The following PRICKLE1 variants were observed in gnomAD, a reference collection of about 807,000 sequenced individuals.
The protein encoded by PRICKLE1 is prickle planar cell polarity protein 1, also known as prickle-like protein 1.
Under a neutral mutation model 70.2 loss-of-function variants are expected in PRICKLE1, and 14 were observed. That is an observed-to-expected ratio of 0.20 (90% CI 0.13 to 0.31). PRICKLE1 has a LOEUF of 0.31. Among genes scored for constraint, PRICKLE1 ranks in the 10% least tolerant of loss-of-function variants. PRICKLE1 has a pLI of 1.00. For missense variants in PRICKLE1, 821 were observed against 1,026.2 expected, an observed-to-expected ratio of 0.80 and a Z score of 2.73; for synonymous variants, 357 against 379.9, an observed-to-expected ratio of 0.94 and a Z score of 0.70.
chr12:42,493,481 T>C (rs1939140307), intron 1 of PRICKLE1, among the ~76,000 whole-genome samples: 1 of 152,180 alleles, frequency 6.6e-6, no homozygotes, highest in African/African-American at 2.4e-5. Context: ...ACGAATTGAC[T>C]AACTTGAAAT....
intron 1 of PRICKLE1, among the ~76,000 whole-genome samples, chr12:42,509,430 C>T (rs1939473592): frequency 6.6e-6 from 1 of 152,170 alleles, no homozygotes; most frequent in African/African-American, 2.4e-5. Flanking sequence ...TTCCAAGGGT[C>T]TTTCCATATC....
chr12:42,476,304 TC>T (rs1938528390), intron 1 of PRICKLE1, among the ~76,000 whole-genome samples: 2 of 151,886 alleles, frequency 1.3e-5, no homozygotes. Flanking sequence ...TGCCTCAGTC[TC>T]CCAAGTAGCT....
intron 1 of PRICKLE1, among the ~76,000 whole-genome samples, chr12:42,526,779 G>C (rs1374600811): frequency 1.3e-5 from 2 of 151,542 alleles, no homozygotes; most frequent in Admixed American, 6.6e-5. Context: ...ATGCTTAGAG[G>C]AGTGCTGAAA....
chr12:42,570,057 C>G (rs1474068271), intron 1 of PRICKLE1, among the ~76,000 whole-genome samples: 2 of 152,212 alleles, frequency 1.3e-5, no homozygotes, highest in Non-Finnish European at 2.9e-5. Flanking sequence ...CAAGGCAAAG[C>G]CTTATAGGCT....
Position 42,466,240 on chromosome 12 carries a change from A to G in PRICKLE1, c.729T>C (p.Phe243=). 1 of 1,614,200 alleles carries G rather than the reference A, an allele frequency of 6.2e-7. No homozygotes were observed. Among genetic ancestry groups the G allele is most frequent in the Admixed American group, 1.7e-5 (1 of 60,016 alleles). Residue 243 remains phenylalanine, a synonymous_variant, in exon 6 of 8, where the codon TTT becomes TTC. Coordinates refer to ENST00000345127, the MANE Select transcript of PRICKLE1 (RefSeq NM_153026.3). The part of the protein sequence containing the change: ...KDGRPFCCGC[F]ESLYAEYCET... ...CACAGTACTCCGCATAGAGAGACTCAAAACAGCCACAGCAGAAGGGGCGGC... is the reference window on the plus strand; with the variant it reads ...CACAGTACTCCGCATAGAGAGACTCGAAACAGCCACAGCAGAAGGGGCGGC...
intron 1 of PRICKLE1, among the ~76,000 whole-genome samples, chr12:42,517,741 G>A (rs1042809906): frequency 7.9e-5 from 12 of 152,064 alleles, no homozygotes; most frequent in African/African-American, 2.9e-4. Flanking sequence ...AACCCTTGAG[G>A]TCCCTAGTCT....
intron 1 of PRICKLE1, among the ~76,000 whole-genome samples, chr12:42,521,526 C>T (rs936845370): frequency 1.3e-5 from 2 of 151,974 alleles, no homozygotes; most frequent in African/African-American, 2.4e-5. Context: ...CTGGTGAAAC[C>T]CTGTCTCTAC....
intron 1 of PRICKLE1, among the ~76,000 whole-genome samples, chr12:42,502,235 C>CTATATATA (rs5797801): frequency 1.3e-3 from 197 of 149,960 alleles, no homozygotes; most frequent in African/African-American, 2.5e-3. Context: ...ATACATATAC[C>CTATATATA]TCTATATATA....
chr12:42,516,738 G>C (rs1339891988), intron 1 of PRICKLE1, among the ~76,000 whole-genome samples: 1 of 152,158 alleles, frequency 6.6e-6, no homozygotes, highest in Non-Finnish European at 1.5e-5. Context: ...TCTAGACTAA[G>C]ATGATCTAGG....
intron 1 of PRICKLE1, among the ~76,000 whole-genome samples, chr12:42,494,671 G>T (rs1939162416): frequency 6.6e-6 from 1 of 151,842 alleles, no homozygotes; most frequent in Non-Finnish European, 1.5e-5. Context: ...GCCAGGCGTG[G>T]TGGCACCCAC....
chr12:42,470,400 T>G, intron 2 of PRICKLE1, 41 bp from the exon 3 acceptor site: 1 of 1,275,828 alleles, frequency 7.8e-7, no homozygotes, highest in Non-Finnish European at 1.1e-6. Flanking sequence ...CATACAGAAC[T>G]GAGCATCTCA....
At chr12:42,559,103 G>T (rs1462506042) in intron 1 of PRICKLE1, among the ~76,000 whole-genome samples, 1 of 152,172 alleles carries the variant, frequency 6.6e-6, no homozygotes, top group Non-Finnish European at 1.5e-5. Flanking sequence ...ATGAGCTCAG[G>T]CCTCTTGTGA....
intron 1 of PRICKLE1, among the ~76,000 whole-genome samples, chr12:42,531,186 A>G (rs188550530): frequency 1.9e-3 from 293 of 151,304 alleles, no homozygotes; most frequent in African/African-American, 6.7e-3. Context: ...AGCTGGGACT[A>G]CAGGTGCCCG....
At chr12:42,472,335 G>A in intron 2 of PRICKLE1, 50 bp downstream of exon 2, 1 of 1,605,974 alleles carries the variant, frequency 6.2e-7, no homozygotes, top group Non-Finnish European at 8.5e-7. Flanking sequence ...TCTAAAGTCT[G>A]AACTCACACT....
chr12:42,554,903 C>G (rs932057735), intron 1 of PRICKLE1, among the ~76,000 whole-genome samples: 1 of 149,988 alleles, frequency 6.7e-6, no homozygotes, highest in East Asian at 1.9e-4. Context: ...TTTTCTTACA[C>G]GAGTACCTCA....
At chr12:42,515,289 G>C (rs551864706) in intron 1 of PRICKLE1, among the ~76,000 whole-genome samples, 2 of 149,982 alleles carry the variant, frequency 1.3e-5, no homozygotes, top group African/African-American at 2.5e-5. Context: ...GCCCAGGCTG[G>C]AGTGCAATGG....
intron 1 of PRICKLE1, among the ~76,000 whole-genome samples, chr12:42,513,847 A>T (rs1339238344): frequency 6.6e-6 from 1 of 151,990 alleles, no homozygotes; most frequent in Non-Finnish European, 1.5e-5. Context: ...AATACAAAAA[A>T]TTAGCCAGGC....
chr12:42,567,094 T>C (rs1592035189), intron 1 of PRICKLE1, among the ~76,000 whole-genome samples: 1 of 152,232 alleles, frequency 6.6e-6, no homozygotes, highest in Non-Finnish European at 1.5e-5. Context: ...ATTGAGCCAT[T>C]GTACCCTTGT....
chr12:42,469,388 C>A, intron 4 of PRICKLE1, 62 bp downstream of exon 4: 3 of 1,604,078 alleles, frequency 1.9e-6, no homozygotes, highest in East Asian at 2.2e-5. Flanking sequence ...TCACCTACCC[C>A]CGACTGTCCA....
Sources: allele counts gnomAD v4.1 joint callset (sites outside exome capture counted in the v4.1 genomes callset), GRCh38; gene constraint gnomAD v4.1.1; transcripts MANE v1.5; gene names NCBI Gene and HGNC (gene_info 2026-07-23, HGNC 2026-07-21).